The following AGBL1 variants were observed in gnomAD, a reference collection of about 807,000 sequenced individuals.
AGBL1 encodes the protein cytosolic carboxypeptidase 4.
A neutral mutation model predicts 118.9 loss-of-function variants in AGBL1; 130 were observed. That is an observed-to-expected ratio of 1.09 (90% confidence interval 0.95 to 1.26). AGBL1 has a LOEUF of 1.26. AGBL1 is among the 50% of genes most tolerant of loss of function. The pLI, the probability that AGBL1 is intolerant of heterozygous loss-of-function variation, is 0.00. For missense variants in AGBL1, 1,584 were observed against 1,298.1 expected, an observed-to-expected ratio of 1.22 and a Z score of -3.38; for synonymous variants, 555 against 478.9, an observed-to-expected ratio of 1.16 and a Z score of -2.08.
At chr15:86,808,037 G>T (rs2078741883) in intron 22 of AGBL1, among the ~76,000 whole-genome samples, 1 of 152,084 alleles carries the variant, frequency 6.6e-6, no homozygotes, top group Admixed American at 6.6e-5. Context: ...CAACCTTGAT[G>T]AGTTAGAGGA....
chr15:86,441,604 T>G (rs1056744145), intron 18 of AGBL1, among the ~76,000 whole-genome samples: 2 of 152,226 alleles, frequency 1.3e-5, no homozygotes, highest in African/African-American at 4.8e-5. Context: ...CCATTATTCC[T>G]AAAAGGACTA....
At chr15:86,131,194 C>T (rs1247122380) in intron 1 of AGBL1, among the ~76,000 whole-genome samples, 2 of 152,148 alleles carry the variant, frequency 1.3e-5, no homozygotes, top group Non-Finnish European at 2.9e-5. Context: ...AGCTGTACCC[C>T]AGGATTGCTT....
At chr15:86,606,832 A>G (rs891850580) in intron 21 of AGBL1, among the ~76,000 whole-genome samples, 28 of 152,186 alleles carry the variant, frequency 1.8e-4, no homozygotes, top group African/African-American at 6.8e-4. Flanking sequence ...ACCAAAGTCC[A>G]TAGTTTACAT....
intron 5 of AGBL1, among the ~76,000 whole-genome samples, chr15:86,206,572 G>A (rs1464320938): frequency 6.6e-6 from 1 of 152,194 alleles, no homozygotes; most frequent in African/African-American, 2.4e-5. Context: ...CAGTGATGAT[G>A]AGCATTTTTT....
rs543981363 is a variant in AGBL1, at chr15:86,991,440, A to ATATTTATT, written c.3323+3374_3323+3381dup. On this transcript the variant is annotated intron_variant, in intron 24 of 24. Transcript: ENST00000441037. Reference sequence around the variant, plus strand: ...TGTACTTTTTGTTCATTTCAGATTTATATTTATTTATTTATTTATTTATTT... The same window carrying ATATTTATT: ...TGTACTTTTTGTTCATTTCAGATTTATATTTATTTATTTATTTATTTATTTATTTATTT... Among the ~76,000 whole-genome samples the ATATTTATT allele has an allele frequency of 5.4e-3, 822 of 151,570 alleles. 9 individuals are homozygous for ATATTTATT. Among genetic ancestry groups the ATATTTATT allele is most frequent in the African/African-American group, 0.019 (786 of 41,288 alleles).
intron 1 of AGBL1, among the ~76,000 whole-genome samples, chr15:86,095,181 T>TA (rs1346433501): frequency 6.6e-6 from 1 of 152,152 alleles, no homozygotes; most frequent in Non-Finnish European, 1.5e-5. Flanking sequence ...ACCACCCTAC[T>TA]AGCAGGTGGA....
chr15:86,658,035 G>A (rs2085488176), intron 21 of AGBL1, among the ~76,000 whole-genome samples: 1 of 151,862 alleles, frequency 6.6e-6, no homozygotes, highest in Admixed American at 6.6e-5. Flanking sequence ...TAATTTATAT[G>A]TGTATATACT....
intron 17 of AGBL1, among the ~76,000 whole-genome samples, chr15:86,355,834 T>G (rs1294898191): frequency 6.6e-6 from 1 of 152,190 alleles, no homozygotes; most frequent in Non-Finnish European, 1.5e-5. Flanking sequence ...AGGTTTTTCT[T>G]ATTTGTGCTT....
chr15:86,444,348 T>C (rs2082097441), intron 18 of AGBL1, among the ~76,000 whole-genome samples: 1 of 152,144 alleles, frequency 6.6e-6, no homozygotes, highest in African/African-American at 2.4e-5. Flanking sequence ...ATTCTTACTC[T>C]AGTGTTCAGG....
At chr15:86,218,420 C>T (rs2078224444) in intron 5 of AGBL1, among the ~76,000 whole-genome samples, 1 of 152,122 alleles carries the variant, frequency 6.6e-6, no homozygotes, top group Admixed American at 6.6e-5. Context: ...TTGCAAGAAG[C>T]TTTGGGTGGG....
chr15:86,825,423 A>AAAAAAAAAAAAAAAAAG (rs2078994510), intron 22 of AGBL1, among the ~76,000 whole-genome samples: 1 of 129,072 alleles, frequency 7.7e-6, no homozygotes, highest in Non-Finnish European at 1.7e-5. Flanking sequence ...AAAAAAAAAA[A>AAAAAAAAAAAAAAAAAG]GGTTGCAAGC....
chr15:86,358,335 A>C (rs1398710020), intron 17 of AGBL1, among the ~76,000 whole-genome samples: 1 of 152,072 alleles, frequency 6.6e-6, no homozygotes, highest in Non-Finnish European at 1.5e-5. Context: ...CTTCAGGTTC[A>C]TCCATACTGT....
rs551232640 is a variant in AGBL1, at chr15:86,707,816, C to T, written c.3158+33380C>T. ...TTCCTAGAAGTAGAAGCTGAACTTCCTTTTTCAATGGAGATGAGGAGATAG... is the reference window on the plus strand; with the variant it reads ...TTCCTAGAAGTAGAAGCTGAACTTCTTTTTTCAATGGAGATGAGGAGATAG... On this transcript the variant is annotated intron_variant, in intron 22 of 22. Coordinates refer to ENST00000614907, the MANE Select transcript of AGBL1 (RefSeq NM_001386094.1). 2.8e-4 allele frequency among the ~76,000 whole-genome samples: 43 copies of T among 152,130 alleles called. 1 individual carries two copies. In the South Asian group the frequency reaches 7.5e-3, roughly 26 times the overall value.
chr15:86,491,401 C>A (rs537356562), intron 18 of AGBL1, among the ~76,000 whole-genome samples: 2 of 152,200 alleles, frequency 1.3e-5, no homozygotes, highest in East Asian at 3.9e-4. Context: ...GCCTTGTAGG[C>A]CTTGCTAAGG....
intron 22 of AGBL1, among the ~76,000 whole-genome samples, chr15:86,823,698 A>G (rs1322342626): frequency 1.3e-5 from 2 of 152,190 alleles, no homozygotes; most frequent in Non-Finnish European, 2.9e-5. Flanking sequence ...CAAATATAAG[A>G]CTGGACAGGG....
At chr15:86,789,364 C>T (rs939109173) in intron 22 of AGBL1, among the ~76,000 whole-genome samples, 2 of 152,216 alleles carry the variant, frequency 1.3e-5, no homozygotes, top group African/African-American at 4.8e-5. Flanking sequence ...TCATCTGAGA[C>T]AAGTTTCAGC....
At chr15:86,778,424 A>G (rs1275010746) in intron 22 of AGBL1, among the ~76,000 whole-genome samples, 1 of 152,090 alleles carries the variant, frequency 6.6e-6, no homozygotes, top group African/African-American at 2.4e-5. Context: ...GCTACGGGAG[A>G]CTGCGGCTTA....
At position 86,869,474 on chromosome 15, in the gene AGBL1, T is replaced by G. The variant is rs540751003; in HGVS notation, c.3159-37613T>G. On this transcript the variant is annotated intron_variant, in intron 22 of 22. Transcript: ENST00000614907. ...CATGTAGATGTTTTAATCTAAGATA[T>G]GGTAAAGCTAAATGACACACTAGTG... 5.3e-5 allele frequency among the ~76,000 whole-genome samples: 8 copies of G among 152,278 alleles called. No individual in the cohort carries two copies. In the East Asian group the frequency reaches 1.4e-3, roughly 26 times the overall value.
chr15:86,967,853 T>G (rs987129164), intron 23 of AGBL1, among the ~76,000 whole-genome samples: 1 of 152,114 alleles, frequency 6.6e-6, no homozygotes, highest in Non-Finnish European at 1.5e-5. Flanking sequence ...TTTTTTCCAA[T>G]TCTGTGAAGA....
Sources: allele counts gnomAD v4.1 joint callset (sites outside exome capture counted in the v4.1 genomes callset), GRCh38; gene constraint gnomAD v4.1.1; transcripts MANE v1.5; gene names NCBI Gene and HGNC (gene_info 2026-07-23, HGNC 2026-07-21).